AGTPBP1: variants seen among roughly 807,000 people sequenced by gnomAD.
AGTPBP1 encodes the protein ATP/GTP binding carboxypeptidase 1, also known as cytosolic carboxypeptidase 1.
Under a neutral mutation model 143.9 loss-of-function variants are expected in AGTPBP1, and 70 were observed. The ratio of observed to expected loss-of-function variants is 0.49; its 90% CI spans 0.40 to 0.59. The LOEUF (loss-of-function observed/expected upper bound fraction) is 0.59. Ranked by LOEUF, AGTPBP1 falls within the 20% of genes least tolerant of loss-of-function variation. The pLI, the probability that AGTPBP1 is intolerant of heterozygous loss-of-function variation, is 0.00. For synonymous variants in AGTPBP1, 463 were observed against 500.2 expected, an observed-to-expected ratio of 0.93 and a Z score of 0.99; for missense variants, 1,229 against 1,464.5, an observed-to-expected ratio of 0.84 and a Z score of 2.62.
At chr9:85,782,207 G>A in the AGTPBP1 span, among the ~76,000 whole-genome samples, 1 of 152,150 alleles carries the variant, frequency 6.6e-6, no homozygotes, top group Non-Finnish European at 1.5e-5. Flanking sequence ...AGTGATATAT[G>A]CTGAAAATGT....
chr9:85,767,485 C>T, the AGTPBP1 span, among the ~76,000 whole-genome samples: 1 of 152,166 alleles, frequency 6.6e-6, no homozygotes, highest in Admixed American at 6.5e-5. Flanking sequence ...GTAGCTGGCA[C>T]TGCAGGCACA....
chr9:85,769,660 A>G, the AGTPBP1 span, among the ~76,000 whole-genome samples: 1 of 152,202 alleles, frequency 6.6e-6, no homozygotes, highest in East Asian at 1.9e-4. Context: ...ATTTCATAGG[A>G]ATCTTATGAA....
the AGTPBP1 span, among the ~76,000 whole-genome samples, chr9:85,766,025 T>C: frequency 1.3e-5 from 2 of 151,846 alleles, no homozygotes; most frequent in Admixed American, 6.6e-5. Context: ...CCAAGGGTTA[T>C]AGATTTGAAG....
chr9:85,562,374 A>C (rs1383004544), intron 25 of AGTPBP1, among the ~76,000 whole-genome samples: 1 of 152,232 alleles, frequency 6.6e-6, no homozygotes, highest in African/African-American at 2.4e-5. Flanking sequence ...CTTAAAAGAC[A>C]TATTTAAATA....
At chr9:85,570,709 G>A (rs1431146462) in intron 25 of AGTPBP1, among the ~76,000 whole-genome samples, 1 of 152,102 alleles carries the variant, frequency 6.6e-6, no homozygotes, top group Non-Finnish European at 1.5e-5. Flanking sequence ...GCCCATGATA[G>A]GTTGCAATAA....
At chr9:85,549,288 G>C (rs1358038331) in intron 25 of AGTPBP1, among the ~76,000 whole-genome samples, 1 of 152,204 alleles carries the variant, frequency 6.6e-6, no homozygotes, top group Non-Finnish European at 1.5e-5. Context: ...CAGAACTACA[G>C]AGGCTGCTTA....
chr9:85,749,505 G>C, the AGTPBP1 span, among the ~76,000 whole-genome samples: 1 of 152,144 alleles, frequency 6.6e-6, no homozygotes, highest in African/African-American at 2.4e-5. Context: ...ACTCCTGTCT[G>C]TCTCTTTTCT....
intron 25 of AGTPBP1, among the ~76,000 whole-genome samples, chr9:85,567,015 T>A (rs1031478435): frequency 1.3e-5 from 2 of 152,204 alleles, no homozygotes; most frequent in African/African-American, 4.8e-5. Flanking sequence ...CACTGAAGGA[T>A]GGGAAGTCTG....
the AGTPBP1 span, among the ~76,000 whole-genome samples, chr9:85,780,869 C>T: frequency 2.0e-5 from 3 of 152,178 alleles, no homozygotes; most frequent in Non-Finnish European, 4.4e-5. Context: ...GTAATCCCAG[C>T]ACTTTGGGAA....
chr9:85,716,379 T>C (rs1270653331), intron 1 of AGTPBP1, among the ~76,000 whole-genome samples: 1 of 152,218 alleles, frequency 6.6e-6, no homozygotes, highest in Non-Finnish European at 1.5e-5. Flanking sequence ...TCTTCCTTGG[T>C]GATCTCATCT....
chr9:85,583,709 T>C (rs1354979297), intron 23 of AGTPBP1, among the ~76,000 whole-genome samples: 1 of 152,166 alleles, frequency 6.6e-6, no homozygotes, highest in Non-Finnish European at 1.5e-5. Flanking sequence ...CACATGTCTG[T>C]CTGCCATTCA....
intron 1 of AGTPBP1, among the ~76,000 whole-genome samples, chr9:85,739,809 T>C (rs1182489967): frequency 1.3e-5 from 2 of 151,296 alleles, no homozygotes; most frequent in East Asian, 3.9e-4. Flanking sequence ...AGGTTGGGAG[T>C]TCGATACCAG....
intron 18 of AGTPBP1, 127 bp downstream of exon 18, chr9:85,596,235 T>C (rs1383650774): frequency 3.1e-6 from 2 of 638,198 alleles, no homozygotes; most frequent in Non-Finnish European, 5.1e-6. Flanking sequence ...TTAGAATTAC[T>C]AAAGCATAGC....
chr9:85,701,658 A>C (rs909996246), intron 2 of AGTPBP1, among the ~76,000 whole-genome samples: 5 of 152,212 alleles, frequency 3.3e-5, no homozygotes, highest in African/African-American at 1.2e-4. Flanking sequence ...GTAACAGAGA[A>C]CAAAAACAGA....
chr9:85,617,613 CAA>C (rs1310539013), intron 17 of AGTPBP1, among the ~76,000 whole-genome samples: 2 of 151,956 alleles, frequency 1.3e-5, no homozygotes, highest in Non-Finnish European at 2.9e-5. Flanking sequence ...GGGTACAACT[CAA>C]GAGTTTTTTT....
intron 1 of AGTPBP1, among the ~76,000 whole-genome samples, chr9:85,732,739 A>C (rs1482688540): frequency 6.6e-6 from 1 of 152,204 alleles, no homozygotes; most frequent in Non-Finnish European, 1.5e-5. Context: ...CAGGAGACTT[A>C]CTTTAGATCC....
chr9:85,638,206 G>T (rs948956945), intron 13 of AGTPBP1, among the ~76,000 whole-genome samples: 2 of 152,132 alleles, frequency 1.3e-5, no homozygotes, highest in Non-Finnish European at 2.9e-5. Flanking sequence ...CTGAGGGAAA[G>T]AGGAAAGAAA....
chr9:85,589,637 G>A lies in AGTPBP1; in HGVS notation c.2613C>T (p.Ile871=), dbSNP rs1828831104. ...KLESAHNPQQ[I]YFRKDVLCET... is the part of the protein sequence containing the mutation. ...CACATAACACATCTTTCCGAAAATA[G>A]ATTTGCTGAGGATTGTGTGCTGATT... is the stretch of plus-strand genomic sequence containing the variant. The change falls in exon 20 of 26, where the codon ATC becomes ATT. Residue 871 remains isoleucine, a synonymous_variant. Transcript: ENST00000357081. 6.2e-7 allele frequency: 1 copy of A among 1,613,114 alleles called. No individual in the cohort carries two copies. Among genetic ancestry groups the A allele is most frequent in the Non-Finnish European group, 8.5e-7 (1 of 1,179,542 alleles).
At chr9:85,782,293 T>C in the AGTPBP1 span, among the ~76,000 whole-genome samples, 1 of 152,186 alleles carries the variant, frequency 6.6e-6, no homozygotes. Context: ...GGCGGGTGGA[T>C]CACCGGAGGG....
Sources: gnomAD v4.1 joint callset for allele counts (sites outside exome capture counted in the v4.1 genomes callset) on GRCh38, gnomAD v4.1.1 for gene constraint, MANE v1.5 for transcripts, NCBI Gene and HGNC (gene_info 2026-07-23, HGNC 2026-07-21) for gene names.